Variants in OR6J1 observed in about 807,000 individuals in gnomAD.
OR6J1 encodes olfactory receptor 6J1.
For missense variants in OR6J1, 304 were observed against 166.8 expected (o/e 1.82, Z -4.53); for synonymous variants, 109 against 70.0 (o/e 1.56, Z -2.78).
At position 22,633,709 on chromosome 14, in the gene OR6J1, A is replaced by G. The variant is rs1428498257; in HGVS notation, c.*59T>C. 2.6e-5 allele frequency: 16 copies of G among 621,650 alleles called. No individual in the cohort carries two copies. In the East Asian group the frequency reaches 3.8e-4, roughly 15 times the overall value. 38.5% of individuals were successfully genotyped at this position (621,650 alleles called of 1,614,324 possible). On this transcript the variant is annotated 3_prime_UTR_variant, in exon 2 of 2. Transcript: ENST00000540461. Reference sequence around the variant, plus strand: ...TGTCTCCGCAGTCAGTCTTTCCACTATAGACTATTCAGAATTCCTTAGCTA... The same window carrying G: ...TGTCTCCGCAGTCAGTCTTTCCACTGTAGACTATTCAGAATTCCTTAGCTA...
chr14:22,636,627 G>C (rs2037588802), intron 1 of OR6J1, among the ~76,000 whole-genome samples: 1 of 116,800 alleles, frequency 8.6e-6, no homozygotes. Context: ...TGTTGGCCGG[G>C]CTGGTCTCCA....
chr14:22,640,010 T>A (rs971731981), intron 1 of OR6J1, among the ~76,000 whole-genome samples: 5 of 150,722 alleles, frequency 3.3e-5, no homozygotes, highest in Admixed American at 2.6e-4. Flanking sequence ...AAAAAAAAAA[T>A]TTACACTGCT....
In OR6J1 at chr14:22,638,852, G is replaced by A. The variant is rs1312307773; in HGVS notation, c.-27-4014C>T. 8.8e-5 allele frequency among the ~76,000 whole-genome samples: 12 copies of A among 137,046 alleles called. 2 individuals carry two copies. The highest frequency in any genetic ancestry group is 1.6e-5 in the Non-Finnish European group (1 of 64,068). The allele number at this position is 137,046 out of a possible 152,430, so 89.9% of individuals were successfully genotyped here. On this transcript the variant is annotated intron_variant, in intron 1 of 1. Transcript: ENST00000540461. Reference sequence around the variant, plus strand: ...TGGAAAGTGAGGAGCGTCTCCGCCCGGCCGCCATCCCATCTAGGAAGTGAG... The same window carrying A: ...TGGAAAGTGAGGAGCGTCTCCGCCCAGCCGCCATCCCATCTAGGAAGTGAG...
chr14:22,636,794 C>A (rs1295483208), intron 1 of OR6J1, among the ~76,000 whole-genome samples: 1 of 118,316 alleles, frequency 8.5e-6, no homozygotes, highest in Non-Finnish European at 1.7e-5. Flanking sequence ...CCTGCCTTGG[C>A]CCCCCAAAGT....
At chr14:22,639,201 G>C (rs1363657617) in intron 1 of OR6J1, among the ~76,000 whole-genome samples, 1 of 119,984 alleles carries the variant, frequency 8.3e-6, no homozygotes. Flanking sequence ...GAGCGTCTCC[G>C]CCCGGCAGCC....
intron 1 of OR6J1, among the ~76,000 whole-genome samples, chr14:22,636,923 A>G (rs1473643902): frequency 1.7e-5 from 2 of 120,178 alleles, no homozygotes; most frequent in African/African-American, 4.5e-5. Context: ...CAGTCTGGAA[A>G]GTGAGGAGCG....
chr14:22,643,776 G>C (rs1176835517), intron 1 of OR6J1, among the ~76,000 whole-genome samples: 12 of 148,538 alleles, frequency 8.1e-5, no homozygotes, highest in African/African-American at 3.0e-4. Flanking sequence ...GAGAGAGAGA[G>C]AGAGAGAGAG....
chr14:22,637,985 A>G (rs1206037303), intron 1 of OR6J1, among the ~76,000 whole-genome samples: 1 of 90,164 alleles, frequency 1.1e-5, no homozygotes, highest in South Asian at 3.3e-4. Flanking sequence ...CTGGGAAGTG[A>G]GGAGCCCCTC....
intron 1 of OR6J1, among the ~76,000 whole-genome samples, chr14:22,640,510 A>C (rs1202636824): frequency 1.1e-5 from 1 of 92,288 alleles, no homozygotes; most frequent in Admixed American, 1.3e-4. Flanking sequence ...TTTTTTTTGG[A>C]GACAAAGTCT....
intron 1 of OR6J1, among the ~76,000 whole-genome samples, chr14:22,638,308 A>G (rs1259235823): frequency 3.7e-5 from 2 of 53,560 alleles, no homozygotes; most frequent in Admixed American, 1.4e-4. Context: ...TTCTGTACTA[A>G]GAAAAATTCC....
chr14:22,637,137 G>A (rs1167364792), intron 1 of OR6J1, among the ~76,000 whole-genome samples: 1 of 115,144 alleles, frequency 8.7e-6, no homozygotes, highest in South Asian at 2.4e-4. Context: ...GTCTCTGCCC[G>A]GCCGCCCTGT....
intron 1 of OR6J1, among the ~76,000 whole-genome samples, chr14:22,638,099 C>A (rs1169413768): frequency 5.9e-4 from 54 of 90,960 alleles, no homozygotes; most frequent in Non-Finnish European, 9.3e-4. Context: ...CCGGCCGCCC[C>A]TACTGGGAAG....
chr14:22,640,254 GA>G (rs2037634487), intron 1 of OR6J1, among the ~76,000 whole-genome samples: 13 of 92,394 alleles, frequency 1.4e-4, no homozygotes, highest in Non-Finnish European at 2.1e-4. Context: ...AGGAAGGAAG[GA>G]AGCAAGGAAG....
In OR6J1 at chr14:22,633,549, C is replaced by A; in HGVS notation, c.*219G>T. The A allele has an allele frequency of 3.9e-6, 2 of 513,144 alleles. No homozygotes were observed. The highest frequency in any genetic ancestry group is 6.8e-6 in the Non-Finnish European group (2 of 292,774). The allele number at this position is 513,144 out of a possible 1,614,324, so 31.8% of individuals were successfully genotyped here. A position where few individuals can be genotyped will look rare whatever the true frequency, so the allele number is the denominator to read the frequency against. On this transcript the variant is annotated 3_prime_UTR_variant, in exon 2 of 2. Coordinates refer to ENST00000540461, the MANE Select transcript of OR6J1 (RefSeq NM_001348233.2). ...ATGGCCCTTCCATTCTTACAATATT[C>A]AGTGTGGATGGGGCTTAGAGATCAT...
chr14:22,642,217 T>C (rs2037657610), intron 1 of OR6J1, among the ~76,000 whole-genome samples: 1 of 151,290 alleles, frequency 6.6e-6, no homozygotes, highest in Admixed American at 6.6e-5. Flanking sequence ...GATATATAAC[T>C]CAAGTACCAT....
At chr14:22,641,462 A>AG in intron 1 of OR6J1, among the ~76,000 whole-genome samples, 1 of 52,206 alleles carries the variant, frequency 1.9e-5, no homozygotes, top group African/African-American at 4.2e-5. Context: ...AGAAAGAAAG[A>AG]AAGAAAAAGA....
intron 1 of OR6J1, among the ~76,000 whole-genome samples, chr14:22,637,118 G>A (rs1378330767): frequency 8.5e-6 from 1 of 117,370 alleles, no homozygotes; most frequent in Non-Finnish European, 1.6e-5. Flanking sequence ...TGTCTGAGAG[G>A]TGAGGAGCGT....
At position 22,633,660 on chromosome 14, in the gene OR6J1, A is replaced by G. The variant is rs2037562168; in HGVS notation, c.*108T>C. ...AGCTGCGGTCACAGATTAAAGTGAA[A>G]ACCAAGGCCAGCGTTCAAGTCTCTG... On this transcript the variant is annotated 3_prime_UTR_variant, in exon 2 of 2. Coordinates refer to ENST00000540461, the MANE Select transcript of OR6J1 (RefSeq NM_001348233.2). The G allele has an allele frequency of 3.3e-6, 2 of 598,618 alleles. No homozygotes were observed. The highest frequency in any genetic ancestry group is 3.7e-5 in the African/African-American group (2 of 53,802). The allele number at this position is 598,618 out of a possible 1,614,324, so 37.1% of individuals were successfully genotyped here.
Position 22,634,258 on chromosome 14 carries a change from G to A in OR6J1, c.554C>T (p.Ala185Val), listed in dbSNP as rs1452790167. ...GGCAGTGGTGTCTGCACAGGCCAGG[G>A]CCAGCAAGGGTCCACTGTCACAGAA... ...HFFCDSGPLL[A>V]LACADTTAIE... The change falls in exon 2 of 2, where the codon GCC becomes GTC. Residue 185 changes from alanine (A) to valine (V), a missense_variant. By Grantham distance (64) the Ala-to-Val change is moderately conservative (BLOSUM62 0). Coordinates refer to ENST00000540461, the MANE Select transcript of OR6J1 (RefSeq NM_001348233.2). The A allele has an allele frequency of 1.4e-6, 1 of 703,346 alleles. No homozygotes were observed. The highest frequency in any genetic ancestry group is 2.6e-6 in the Non-Finnish European group (1 of 385,000). The allele number at this position is 703,346 out of a possible 1,614,324, so 43.6% of individuals were successfully genotyped here. A position where few individuals can be genotyped will look rare whatever the true frequency, so the allele number is the denominator to read the frequency against.
Sources: allele counts gnomAD v4.1 joint callset (sites outside exome capture counted in the v4.1 genomes callset), GRCh38; gene constraint gnomAD v4.1.1; transcripts MANE v1.5; gene names NCBI Gene and HGNC (gene_info 2026-07-23, HGNC 2026-07-21).